The following TMEM132C variants were observed in gnomAD, a reference collection of about 807,000 sequenced individuals.
TMEM132C encodes transmembrane protein 132C.
A neutral mutation model predicts 61.4 loss-of-function variants in TMEM132C; 29 were observed. The observed-to-expected ratio is 0.47, with a 90% confidence interval of 0.35 to 0.64. The LOEUF is 0.64. Ranked by LOEUF, TMEM132C falls within the 30% of genes least tolerant of loss-of-function variation. The pLI, the probability that TMEM132C is intolerant of heterozygous loss-of-function variation, is 0.00. For missense variants in TMEM132C, 1,408 were observed against 1,476.9 expected, an observed-to-expected ratio of 0.95 and a Z score of 0.76; for synonymous variants, 656 against 633.1, an observed-to-expected ratio of 1.04 and a Z score of -0.54.
intron 2 of TMEM132C, among the ~76,000 whole-genome samples, chr12:128,462,097 GTTTGTTTTGT>G (rs1198323555): frequency 6.6e-6 from 1 of 151,896 alleles, no homozygotes; most frequent in Admixed American, 6.6e-5. Context: ...TATTTTATTT[GTTTGTTTTGT>G]TTTGTTTTGT....
intron 2 of TMEM132C, among the ~76,000 whole-genome samples, chr12:128,472,415 G>A (rs1305369375): frequency 5.9e-5 from 9 of 152,154 alleles, no homozygotes; most frequent in Non-Finnish European, 1.2e-4. Context: ...GTTAGTCAAC[G>A]GGAAATAGAG....
chr12:128,490,443 C>T (rs1871678059), intron 2 of TMEM132C, among the ~76,000 whole-genome samples: 1 of 152,108 alleles, frequency 6.6e-6, no homozygotes, highest in Non-Finnish European at 1.5e-5. Flanking sequence ...TTGCCCCTGG[C>T]AGTGTATTTA....
In TMEM132C at chr12:128,619,426, G is replaced by A. The variant is rs146969955; in HGVS notation, c.1305+3091G>A. 1.4e-4 allele frequency among the ~76,000 whole-genome samples: 22 copies of A among 152,320 alleles called. No individual in the cohort carries two copies. In the South Asian group the frequency reaches 2.1e-3, roughly 14 times the overall value. ...AATGCAATGGGAAAAGCAGGGAGAC[G>A]TGCTCTCGACTCTCCCCAGAGCAGA... is the stretch of plus-strand genomic sequence containing the variant. On this transcript the variant is annotated intron_variant, in intron 4 of 8. Transcript: ENST00000435159.
intron 1 of TMEM132C, among the ~76,000 whole-genome samples, chr12:128,356,138 C>T (rs913509435): frequency 3.3e-5 from 5 of 152,288 alleles, no homozygotes; most frequent in East Asian, 3.9e-4. Context: ...TTTGGATGGT[C>T]GGATTCTTTC....
At chr12:128,285,339 A>G (rs1871020045) in intron 1 of TMEM132C, among the ~76,000 whole-genome samples, 1 of 152,246 alleles carries the variant, frequency 6.6e-6, no homozygotes, top group African/African-American at 2.4e-5. Flanking sequence ...ATTGTACCCC[A>G]TGCATATGTA....
intron 3 of TMEM132C, among the ~76,000 whole-genome samples, chr12:128,567,429 GACACACAC>G (rs140541188): frequency 0.06 from 8,177 of 136,270 alleles, 467 homozygotes; most frequent in East Asian, 0.17. Flanking sequence ...CATACCCATA[GACACACAC>G]ACACACACAC....
intron 1 of TMEM132C, among the ~76,000 whole-genome samples, chr12:128,336,696 C>A (rs954872394): frequency 6.6e-6 from 1 of 152,150 alleles, no homozygotes; most frequent in Non-Finnish European, 1.5e-5. Context: ...GTGACATTTC[C>A]GCTCCCTGGC....
intron 2 of TMEM132C, among the ~76,000 whole-genome samples, chr12:128,471,990 G>T (rs967303899): frequency 2.6e-5 from 4 of 152,136 alleles, no homozygotes; most frequent in African/African-American, 7.2e-5. Context: ...AAATCAAACC[G>T]CACTGGCTGG....
intron 1 of TMEM132C, among the ~76,000 whole-genome samples, chr12:128,315,362 A>G (rs187316416): frequency 8.5e-4 from 130 of 152,190 alleles, no homozygotes; most frequent in African/African-American, 2.9e-3. Flanking sequence ...AAGAATAGAA[A>G]CCAAGTGTCA....
At chr12:128,530,656 G>C (rs866457405) in intron 2 of TMEM132C, among the ~76,000 whole-genome samples, 4 of 152,094 alleles carry the variant, frequency 2.6e-5, no homozygotes, top group African/African-American at 9.7e-5. Context: ...TGCTGGTCAG[G>C]CTGGTCTCGA....
At chr12:128,407,100 C>T (rs560854269) in intron 1 of TMEM132C, among the ~76,000 whole-genome samples, 25 of 152,304 alleles carry the variant, frequency 1.6e-4, no homozygotes, top group Non-Finnish European at 2.2e-4. Context: ...TTGTATCTCC[C>T]GTAATCCCCA....
intron 2 of TMEM132C, among the ~76,000 whole-genome samples, chr12:128,532,930 A>C (rs10161317): frequency 0.2 from 30,033 of 152,102 alleles, 3,901 homozygotes; most frequent in East Asian, 0.41. Flanking sequence ...AGACACTGTT[A>C]GTTTCCTCTG....
At chr12:128,664,153 T>C (rs1296816602) in intron 4 of TMEM132C, among the ~76,000 whole-genome samples, 89 of 101,432 alleles carry the variant, frequency 8.8e-4, no homozygotes, top group Non-Finnish European at 1.2e-3. Flanking sequence ...CACACACACA[T>C]GCGCACAGGC....
At chr12:128,469,830 A>G (rs966629896) in intron 2 of TMEM132C, among the ~76,000 whole-genome samples, 2 of 152,024 alleles carry the variant, frequency 1.3e-5, no homozygotes, top group Non-Finnish European at 2.9e-5. Context: ...ACGTGCATTT[A>G]TATACATAAA....
At chr12:128,511,610 TG>T (rs2136118470) in intron 2 of TMEM132C, among the ~76,000 whole-genome samples, 1 of 152,316 alleles carries the variant, frequency 6.6e-6, no homozygotes, top group African/African-American at 2.4e-5. Context: ...TTCCTGGCCT[TG>T]TATCACAACA....
At chr12:128,606,338 C>G (rs1039070825) in intron 3 of TMEM132C, among the ~76,000 whole-genome samples, 23 of 152,240 alleles carry the variant, frequency 1.5e-4, no homozygotes, top group Admixed American at 3.3e-4. Flanking sequence ...TCCCTGGAGC[C>G]ACCGCCTGGG....
At chr12:128,554,499 A>G (rs1874270944) in intron 3 of TMEM132C, among the ~76,000 whole-genome samples, 1 of 152,238 alleles carries the variant, frequency 6.6e-6, no homozygotes, top group African/African-American at 2.4e-5. Context: ...TGTGCAAATC[A>G]AACAAAACGT....
At chr12:128,498,807 G>A (rs1263772939) in intron 2 of TMEM132C, among the ~76,000 whole-genome samples, 1 of 151,986 alleles carries the variant, frequency 6.6e-6, no homozygotes, top group African/African-American at 2.4e-5. Flanking sequence ...TAGAATAAAT[G>A]TAACAAAAGA....
intron 3 of TMEM132C, among the ~76,000 whole-genome samples, chr12:128,544,395 G>A (rs1196023522): frequency 6.6e-6 from 1 of 152,210 alleles, no homozygotes; most frequent in Non-Finnish European, 1.5e-5. Context: ...ACTTTCTGGG[G>A]GCCTTGCCCT....
Sources: allele counts gnomAD v4.1 joint callset (sites outside exome capture counted in the v4.1 genomes callset), GRCh38; gene constraint gnomAD v4.1.1; transcripts MANE v1.5; gene names NCBI Gene and HGNC (gene_info 2026-07-23, HGNC 2026-07-21).